Variants in ADGRL2 observed in about 807,000 individuals in gnomAD.
ADGRL2 encodes the protein adhesion G protein-coupled receptor L2, also known as calcium-independent alpha-latrotoxin receptor 2.
Under a neutral mutation model 157.4 loss-of-function variants are expected in ADGRL2, and 44 were observed. The observed-to-expected ratio is 0.28, with a 90% CI of 0.22 to 0.36. ADGRL2 has a LOEUF of 0.36. Among genes scored for constraint, ADGRL2 ranks in the 10% least tolerant of loss-of-function variants. The pLI, the probability that ADGRL2 is intolerant of heterozygous loss-of-function variation, is 1.00. For synonymous variants in ADGRL2, 585 were observed against 624.7 expected, an observed-to-expected ratio of 0.94 and a Z score of 0.95; for missense variants, 1,510 against 1,768.9, an observed-to-expected ratio of 0.85 and a Z score of 2.63.
chr1:81,446,762 A>G (rs2101710665), intron 2 of ADGRL2, among the ~76,000 whole-genome samples: 1 of 152,330 alleles, frequency 6.6e-6, no homozygotes, highest in South Asian at 2.1e-4. Context: ...TTACACTTAC[A>G]TAGTAATATA....
intron 2 of ADGRL2, among the ~76,000 whole-genome samples, chr1:81,887,512 G>A (rs907198045): frequency 6.6e-6 from 1 of 152,102 alleles, no homozygotes; most frequent in Non-Finnish European, 1.5e-5. Context: ...TTAATTATAT[G>A]TTCATATCTT....
At chr1:81,786,453 A>G (rs2087051119) in intron 2 of ADGRL2, among the ~76,000 whole-genome samples, 1 of 152,094 alleles carries the variant, frequency 6.6e-6, no homozygotes, top group Admixed American at 6.5e-5. Context: ...GTGCACACCT[A>G]TAATCCCAGC....
chr1:81,438,344 ATAAT>A (rs2077446648), intron 1 of ADGRL2, among the ~76,000 whole-genome samples: 1 of 152,020 alleles, frequency 6.6e-6, no homozygotes, highest in Non-Finnish European at 1.5e-5. Flanking sequence ...TTAGAATTAA[ATAAT>A]TAAACTTAAA....
intron 3 of ADGRL2, among the ~76,000 whole-genome samples, chr1:81,652,723 A>G (rs1271517789): frequency 6.6e-6 from 1 of 152,216 alleles, no homozygotes; most frequent in East Asian, 1.9e-4. Flanking sequence ...ATGCAACTTA[A>G]TGAATTTATG....
At chr1:81,327,830 G>A (rs535690710) in intron 1 of ADGRL2, among the ~76,000 whole-genome samples, 13 of 152,150 alleles carry the variant, frequency 8.5e-5, no homozygotes, top group Non-Finnish European at 1.3e-4. Flanking sequence ...ACTAAATACC[G>A]TTTAAAACGT....
chr1:81,408,847 C>G (rs2076900491), intron 1 of ADGRL2, among the ~76,000 whole-genome samples: 1 of 152,176 alleles, frequency 6.6e-6, no homozygotes. Context: ...CTTAAGCGTT[C>G]ATTAGTTTAC....
At chr1:81,863,704 C>A (rs2093453683) in intron 2 of ADGRL2, among the ~76,000 whole-genome samples, 1 of 152,074 alleles carries the variant, frequency 6.6e-6, no homozygotes, top group South Asian at 2.1e-4. Context: ...AACCAGGTAT[C>A]ATATATTGAG....
At chr1:81,667,399 A>G (rs1291835105) in intron 3 of ADGRL2, among the ~76,000 whole-genome samples, 1 of 152,210 alleles carries the variant, frequency 6.6e-6, no homozygotes, top group Non-Finnish European at 1.5e-5. Context: ...TCCTCTAATT[A>G]TGTTCGTGAA....
At chr1:81,570,251 T>A (rs2148492370) in intron 2 of ADGRL2, among the ~76,000 whole-genome samples, 1 of 152,164 alleles carries the variant, frequency 6.6e-6, no homozygotes, top group East Asian at 1.9e-4. Context: ...CAAAATATAT[T>A]ATTAGAAAAG....
intron 3 of ADGRL2, among the ~76,000 whole-genome samples, chr1:81,916,722 A>G (rs2094863525): frequency 6.6e-6 from 1 of 152,014 alleles, no homozygotes; most frequent in Admixed American, 6.6e-5. Context: ...TAATACTTTT[A>G]ATTTAATATT....
intron 4 of ADGRL2, among the ~76,000 whole-genome samples, chr1:81,941,448 G>A (rs1436869511): frequency 6.6e-5 from 10 of 151,010 alleles, no homozygotes; most frequent in Admixed American, 4.0e-4. Context: ...AAACATACTG[G>A]GATGCATAAT....
intron 3 of ADGRL2, among the ~76,000 whole-genome samples, chr1:81,657,931 G>GT (rs1263738085): frequency 2.0e-5 from 3 of 151,976 alleles, no homozygotes; most frequent in Non-Finnish European, 2.9e-5. Flanking sequence ...GTAAGGAGAC[G>GT]TAAATTACTT....
At chr1:81,720,014 T>C (rs2084245788) in intron 1 of ADGRL2, among the ~76,000 whole-genome samples, 1 of 152,116 alleles carries the variant, frequency 6.6e-6, no homozygotes, top group African/African-American at 2.4e-5. Context: ...CATTTTTATT[T>C]TTGTTTTACT....
At chr1:81,669,677 G>T (rs553094770) in intron 3 of ADGRL2, among the ~76,000 whole-genome samples, 218 of 152,040 alleles carry the variant, frequency 1.4e-3, no homozygotes, top group South Asian at 0.011. Context: ...GTGTGGTGGT[G>T]CACACCTGTA....
chr1:81,651,848 A>G (rs77597313), intron 3 of ADGRL2, among the ~76,000 whole-genome samples: 2,409 of 152,142 alleles, frequency 0.016, 67 homozygotes, highest in African/African-American at 0.054. Flanking sequence ...ATCCTTTTGC[A>G]TAGCTAGGAA....
intron 1 of ADGRL2, among the ~76,000 whole-genome samples, chr1:81,749,983 G>A (rs1032355639): frequency 6.6e-6 from 1 of 152,096 alleles, no homozygotes; most frequent in African/African-American, 2.4e-5. Context: ...TATTATACTG[G>A]CACAGAGTAG....
intron 2 of ADGRL2, among the ~76,000 whole-genome samples, chr1:81,897,289 CT>C (rs567284740): frequency 0.012 from 1,778 of 145,542 alleles, 28 homozygotes; most frequent in South Asian, 0.063. Flanking sequence ...GTGAAAGTCA[CT>C]TTTTTTTTTT....
intron 1 of ADGRL2, among the ~76,000 whole-genome samples, chr1:81,331,411 C>A (rs931195256): frequency 1.2e-4 from 18 of 152,044 alleles, no homozygotes; most frequent in African/African-American, 4.3e-4. Context: ...ACCATGGCAT[C>A]CAGGCAGTAG....
intron 1 of ADGRL2, among the ~76,000 whole-genome samples, chr1:81,823,344 CTCCCTCCT>C (rs1169123431): frequency 1.4e-5 from 2 of 146,716 alleles, no homozygotes; most frequent in East Asian, 4.1e-4. Flanking sequence ...TCCTTCTTCC[CTCCCTCCT>C]TCCCTCCTTC....
Sources: gnomAD v4.1 joint callset for allele counts (sites outside exome capture counted in the v4.1 genomes callset) on GRCh38, gnomAD v4.1.1 for gene constraint, MANE v1.5 for transcripts, NCBI Gene and HGNC (gene_info 2026-07-23, HGNC 2026-07-21) for gene names.